Variants in CSGALNACT1 observed in about 807,000 individuals in gnomAD.
CSGALNACT1 encodes the protein beta4GalNAcT-1.
A neutral mutation model predicts 51.0 loss-of-function variants in CSGALNACT1; 52 were observed. The ratio of observed to expected loss-of-function variants is 1.02; its 90% CI spans 0.82 to 1.29. The LOEUF (loss-of-function observed/expected upper bound fraction) is 1.29. Ranked by LOEUF, CSGALNACT1 falls within the 50% of genes most tolerant of loss-of-function variation. The pLI, the probability that CSGALNACT1 is intolerant of heterozygous loss-of-function variation, is 0.00. For synonymous variants in CSGALNACT1, 341 were observed against 254.4 expected, an observed-to-expected ratio of 1.34 and a Z score of -3.24; for missense variants, 935 against 679.2, an observed-to-expected ratio of 1.38 and a Z score of -4.19.
chr8:19,713,111 T>C (rs2062605630), intron 1 of CSGALNACT1, among the ~76,000 whole-genome samples: 1 of 152,202 alleles, frequency 6.6e-6, no homozygotes, highest in African/African-American at 2.4e-5. Context: ...CTGATTGTAA[T>C]GGTTTTCTCT....
chr8:19,622,902 AC>A (rs2053998088), intron 1 of CSGALNACT1, among the ~76,000 whole-genome samples: 1 of 152,290 alleles, frequency 6.6e-6, no homozygotes, highest in African/African-American at 2.4e-5. Context: ...GCCAATAGAT[AC>A]CCCAATTACA....
At chr8:19,530,732 T>C (rs906092484) in intron 3 of CSGALNACT1, among the ~76,000 whole-genome samples, 1 of 151,972 alleles carries the variant, frequency 6.6e-6, no homozygotes, top group Non-Finnish European at 1.5e-5. Context: ...CCTTATCTCA[T>C]AAAGGAATAG....
chr8:19,483,841 T>G (rs2072134485), intron 4 of CSGALNACT1, among the ~76,000 whole-genome samples: 1 of 152,236 alleles, frequency 6.6e-6, no homozygotes, highest in South Asian at 2.1e-4. Flanking sequence ...ACAGCCTTTC[T>G]TCCAATGTAT....
chr8:19,748,526 G>C (rs552081959), intron 1 of CSGALNACT1, among the ~76,000 whole-genome samples: 1 of 151,900 alleles, frequency 6.6e-6, no homozygotes, highest in African/African-American at 2.4e-5. Flanking sequence ...TTTCTTTCCC[G>C]TCCCTCTCTG....
At chr8:19,711,427 T>C (rs1043273513) in intron 1 of CSGALNACT1, among the ~76,000 whole-genome samples, 4 of 152,164 alleles carry the variant, frequency 2.6e-5, no homozygotes, top group East Asian at 3.8e-4. Context: ...TGATGAAATA[T>C]AGGAGACCAA....
intron 1 of CSGALNACT1, among the ~76,000 whole-genome samples, chr8:19,680,178 G>A (rs1402930141): frequency 6.6e-6 from 1 of 151,944 alleles, no homozygotes; most frequent in African/African-American, 2.4e-5. Flanking sequence ...TGCATCCATG[G>A]GCTCCTCTGC....
At chr8:19,565,737 G>A (rs939927933) in intron 3 of CSGALNACT1, among the ~76,000 whole-genome samples, 45 of 152,240 alleles carry the variant, frequency 3.0e-4, no homozygotes, top group South Asian at 2.1e-4. Flanking sequence ...TGGCCAACAC[G>A]GTGAAACGCT....
In CSGALNACT1 at chr8:19,549,607, C is replaced by T. The variant is rs2087409968; in HGVS notation, c.-297+41553G>A. Among the ~76,000 whole-genome samples, 13 of 151,650 alleles carry T rather than the reference C, an allele frequency of 8.6e-5. 1 individual carries two copies. The highest frequency in any genetic ancestry group is 8.5e-4 in the Admixed American group (13 of 15,238). On this transcript the variant is annotated intron_variant, in intron 3 of 9. Coordinates refer to ENST00000454498, the Ensembl canonical transcript of CSGALNACT1. Reference sequence around the variant, plus strand: ...ATGTTCAAAGGTCACCCTGAAACTTCCCCTTTTCTCCCCATCAGGAAACTT... The same window carrying T: ...ATGTTCAAAGGTCACCCTGAAACTTTCCCTTTTCTCCCCATCAGGAAACTT...
intron 3 of CSGALNACT1, among the ~76,000 whole-genome samples, chr8:19,539,993 C>T (rs2084712038): frequency 6.6e-6 from 1 of 152,114 alleles, no homozygotes; most frequent in African/African-American, 2.4e-5. Flanking sequence ...ACTGAGAGAA[C>T]TAGTCAACTA....
At chr8:19,654,700 C>CGCCCAGCTAATTTTTT (rs1171794129) in intron 1 of CSGALNACT1, among the ~76,000 whole-genome samples, 4 of 151,788 alleles carry the variant, frequency 2.6e-5, no homozygotes, top group African/African-American at 9.7e-5. Flanking sequence ...ATGCACCACA[C>CGCCCAGCTAATTTTTT]GCCCAGCTAA....
chr8:19,721,416 C>T (rs2063122677), intron 1 of CSGALNACT1, among the ~76,000 whole-genome samples: 1 of 152,194 alleles, frequency 6.6e-6, no homozygotes, highest in African/African-American at 2.4e-5. Context: ...TTACCCAAAA[C>T]ACATAGGCAC....
At chr8:19,727,336 G>C (rs1210831376) in intron 1 of CSGALNACT1, among the ~76,000 whole-genome samples, 2 of 57,638 alleles carry the variant, frequency 3.5e-5, no homozygotes, top group Non-Finnish European at 7.2e-5. Flanking sequence ...GATTTGGTTT[G>C]GTTTGGTTTG....
intron 1 of CSGALNACT1, among the ~76,000 whole-genome samples, chr8:19,662,455 C>T (rs1188634078): frequency 6.6e-6 from 1 of 152,164 alleles, no homozygotes; most frequent in African/African-American, 2.4e-5. Context: ...CTTAACACTC[C>T]TACTGATGTA....
chr8:19,710,397 C>T (rs185035253), intron 1 of CSGALNACT1, among the ~76,000 whole-genome samples: 1 of 152,180 alleles, frequency 6.6e-6, no homozygotes, highest in Admixed American at 6.5e-5. Flanking sequence ...AAGGATGGTT[C>T]CTGTAAAAGA....
intron 3 of CSGALNACT1, among the ~76,000 whole-genome samples, chr8:19,522,408 T>A (rs1037603311): frequency 4.6e-5 from 7 of 152,202 alleles, no homozygotes; most frequent in African/African-American, 1.7e-4. Flanking sequence ...CCAGATCCAT[T>A]TATTTTAAGA....
intron 1 of CSGALNACT1, among the ~76,000 whole-genome samples, chr8:19,640,058 TA>T (rs761529255): frequency 8.6e-4 from 130 of 151,984 alleles, no homozygotes; most frequent in Admixed American, 1.9e-3. Flanking sequence ...CCAAGCTCAG[TA>T]AACGATCCCA....
chr8:19,640,104 TG>T (rs1302255160), intron 1 of CSGALNACT1, among the ~76,000 whole-genome samples: 1 of 151,978 alleles, frequency 6.6e-6, no homozygotes, highest in African/African-American at 2.4e-5. Context: ...TCAATGCACC[TG>T]GGGGGAAATA....
chr8:19,588,950 TG>T (rs1296840816), intron 3 of CSGALNACT1, among the ~76,000 whole-genome samples: 2 of 151,992 alleles, frequency 1.3e-5, no homozygotes, highest in Non-Finnish European at 2.9e-5. Flanking sequence ...TGAAAATGTG[TG>T]GGGGTGGGGA....
intron 1 of CSGALNACT1, among the ~76,000 whole-genome samples, chr8:19,651,401 C>G (rs1320140789): frequency 6.6e-6 from 1 of 152,088 alleles, no homozygotes; most frequent in Non-Finnish European, 1.5e-5. Context: ...GTTTTTTTAT[C>G]TTCATCTTCC....
Sources: gnomAD v4.1 joint callset for allele counts (sites outside exome capture counted in the v4.1 genomes callset) on GRCh38, gnomAD v4.1.1 for gene constraint, MANE v1.5 for transcripts, NCBI Gene and HGNC (gene_info 2026-07-23, HGNC 2026-07-21) for gene names.